Variants in CAMSAP1 observed in about 807,000 individuals in gnomAD.
CAMSAP1 encodes the protein calmodulin regulated spectrin associated protein 1.
In CAMSAP1, 58 loss-of-function variants were observed where a neutral mutation model predicts 143.5. The ratio of observed to expected loss-of-function variants is 0.40; its 90% confidence interval spans 0.33 to 0.50. The LOEUF is 0.50. Among genes scored for constraint, CAMSAP1 ranks in the 20% least tolerant of loss-of-function variants. The pLI is 0.45. For synonymous variants in CAMSAP1, 945 were observed against 859.3 expected (o/e 1.10, Z -1.74); for missense variants, 1,969 against 2,115.7 (o/e 0.93, Z 1.36).
Position 135,818,253 on chromosome 9 carries a change from C to A in CAMSAP1, c.4168+155G>T. 1 of 1,096,142 alleles carries A rather than the reference C, an allele frequency of 9.1e-7. No homozygotes were observed. Among genetic ancestry groups the A allele is most frequent in the Non-Finnish European group, 1.3e-6 (1 of 773,502 alleles). 67.9% of individuals were successfully genotyped at this position (1,096,142 alleles called of 1,614,324 possible). A position where few individuals can be genotyped will look rare whatever the true frequency, so the allele number is the denominator to read the frequency against. ...GGATGTGCCGCACATCTCAGAGCAT[C>A]TGGTCTCAACATTGTCATCCATGAA... On this transcript the variant is annotated intron_variant, in intron 13 of 16. Coordinates refer to ENST00000389532, the MANE Select transcript of CAMSAP1 (RefSeq NM_015447.4). The surrounding 1 kb of genome is among the most constrained non-coding windows in gnomAD (Gnocchi z 7.7).
intron 5 of CAMSAP1, among the ~76,000 whole-genome samples, chr9:135,854,301 A>C (rs1369581078): frequency 1.3e-5 from 2 of 152,224 alleles, no homozygotes; most frequent in African/African-American, 4.8e-5. Context: ...TGGCACACAA[A>C]TATTCTCAGT....
chr9:135,847,902 G>GGGGGAGGGGGCA (rs2130895348), intron 7 of CAMSAP1, among the ~76,000 whole-genome samples: 1 of 30,986 alleles, frequency 3.2e-5, no homozygotes, highest in African/African-American at 1.4e-4. Context: ...GAGGGGAGTG[G>GGGGGAGGGGGCA]GGGAAGGGGA....
At chr9:135,878,691 G>A (rs1209910029) in intron 3 of CAMSAP1, among the ~76,000 whole-genome samples, 2 of 152,194 alleles carry the variant, frequency 1.3e-5, no homozygotes, top group East Asian at 3.9e-4. Context: ...GGAACACAGC[G>A]CGGGTGAGAG....
intron 3 of CAMSAP1, among the ~76,000 whole-genome samples, chr9:135,877,888 AG>A: frequency 6.6e-6 from 1 of 152,210 alleles, no homozygotes; most frequent in Non-Finnish European, 1.5e-5. Flanking sequence ...AGCCCCTGCA[AG>A]GTGATTCATG....
intron 5 of CAMSAP1, among the ~76,000 whole-genome samples, chr9:135,854,659 G>A (rs1836890155): frequency 6.6e-6 from 1 of 152,044 alleles, no homozygotes; most frequent in African/African-American, 2.4e-5. Flanking sequence ...TCATTAGGTT[G>A]CCCAGGCTGG....
chr9:135,832,810 T>C (rs1204800815), intron 7 of CAMSAP1, among the ~76,000 whole-genome samples: 2 of 151,980 alleles, frequency 1.3e-5, no homozygotes, highest in Non-Finnish European at 2.9e-5. Context: ...GAACAAATAC[T>C]TAGGAATAAA....
In CAMSAP1 at chr9:135,890,829, A is replaced by T. The variant is rs1838268494; in HGVS notation, c.161-7751T>A. Among the ~76,000 whole-genome samples the T allele has an allele frequency of 2.0e-5, 3 of 152,244 alleles. No homozygotes were observed. In the South Asian group the frequency reaches 6.2e-4, roughly 31 times the overall value. Reference sequence around the variant, plus strand: ...AGCAAAATGACAAGACATCATGAGCAAAAGCCAGCAGAAACAGTAACAGAA... The same window carrying T: ...AGCAAAATGACAAGACATCATGAGCTAAAGCCAGCAGAAACAGTAACAGAA... On this transcript the variant is annotated intron_variant, in intron 1 of 16. Transcript: ENST00000389532.
In CAMSAP1 at chr9:135,898,767, CAAAT is replaced by C. The variant is rs986483906; in HGVS notation, c.160+8229_160+8232del. On this transcript the variant is annotated intron_variant, in intron 1 of 16. Transcript: ENST00000389532. ...ACTGGAATTCACATAAGCTGCTGGCCAAATAAATATGTCACTTTGGAAAACAACT... is the reference window on the plus strand; with the variant it reads ...ACTGGAATTCACATAAGCTGCTGGCCAAATATGTCACTTTGGAAAACAACT... 2.6e-5 allele frequency among the ~76,000 whole-genome samples: 4 copies of C among 152,106 alleles called. No homozygotes were observed. In the East Asian group the frequency reaches 5.8e-4, roughly 22 times the overall value.
At position 135,824,768 on chromosome 9, in the gene CAMSAP1, A is replaced by C. The variant is rs1361513000; in HGVS notation, c.1315+21T>G. ...ATAGTAAGGAGAAATTAAGGAAAAA[A>C]GGAGGAAACAACATTCTTACCAGGG... On this transcript the variant is annotated intron_variant, in intron 9 of 16. Coordinates refer to ENST00000389532, the MANE Select transcript of CAMSAP1 (RefSeq NM_015447.4). The surrounding 1 kb of genome is among the most constrained non-coding windows in gnomAD (Gnocchi z 4.1). 6.8e-7 allele frequency: 1 copy of C among 1,471,810 alleles called. No individual in the cohort carries two copies. The allele number at this position is 1,471,810 out of a possible 1,614,324, so 91.2% of individuals were successfully genotyped here.
At position 135,881,706 on chromosome 9, in the gene CAMSAP1, C is replaced by T. The variant is rs770689161; in HGVS notation, c.512G>A (p.Arg171His). The part of the protein sequence containing the change: ...SIEKVVASVK[R>H]FSTFSASKEL... ...TTTCGAGGCACTGAACGTTGAGAAG[C>T]GCTTGACACTGGCCACCACCTTCTC... The change falls in exon 3 of 17, where the codon CGC (arginine) becomes CAC (histidine). Residue 171 changes from arginine to histidine, a missense_variant. Arg to His is a conservative substitution (Grantham distance 29). Coordinates refer to ENST00000389532, the MANE Select transcript of CAMSAP1 (RefSeq NM_015447.4). 41 of 1,551,858 alleles carry T rather than the reference C, an allele frequency of 2.6e-5. No homozygotes were observed. Among genetic ancestry groups the T allele is most frequent in the Non-Finnish European group, 3.4e-5 (39 of 1,147,016 alleles).
In CAMSAP1 at chr9:135,820,847, A is replaced by AGAAGCCGACCCCCG; in HGVS notation, c.3800_3813dup (p.Phe1272ArgfsTer26). ...TGCTACCAATCCCTTACCTTGAAGA[A>AGAAGCCGACCCCCG]GAAGCCGACCCCCGGCTTCTGGTCG... On this transcript the variant is annotated frameshift_variant, in exon 11 of 17. Transcript: ENST00000389532. LOFTEE classifies it high-confidence loss of function. The surrounding 1 kb of genome is among the most constrained non-coding windows in gnomAD (Gnocchi z 4.4). 2.5e-6 allele frequency: 4 copies of AGAAGCCGACCCCCG among 1,612,866 alleles called. No individual in the cohort carries two copies. Among genetic ancestry groups the AGAAGCCGACCCCCG allele is most frequent in the Non-Finnish European group, 2.5e-6 (3 of 1,179,802 alleles).
intron 1 of CAMSAP1, among the ~76,000 whole-genome samples, chr9:135,896,538 A>T (rs1014175854): frequency 6.6e-6 from 1 of 152,150 alleles, no homozygotes; most frequent in African/African-American, 2.4e-5. Flanking sequence ...CTGATAGAAC[A>T]CTCCACCAAG....
At chr9:135,898,183 G>C (rs1256312387) in intron 1 of CAMSAP1, among the ~76,000 whole-genome samples, 2 of 152,196 alleles carry the variant, frequency 1.3e-5, no homozygotes, top group Admixed American at 6.5e-5. Context: ...AAGGGCAACA[G>C]TAGAGGTCCT....
intron 1 of CAMSAP1, among the ~76,000 whole-genome samples, chr9:135,894,857 T>C (rs1291668438): frequency 6.6e-6 from 1 of 152,228 alleles, no homozygotes; most frequent in Non-Finnish European, 1.5e-5. Context: ...TTAAAGCAAC[T>C]GGCATGAAAT....
chr9:135,866,153 G>A (rs1837371898), intron 4 of CAMSAP1, among the ~76,000 whole-genome samples: 1 of 152,176 alleles, frequency 6.6e-6, no homozygotes, highest in African/African-American at 2.4e-5. Context: ...TTGTTGACTT[G>A]TGGAAGCTAG....
At chr9:135,816,134 G>A in intron 14 of CAMSAP1, 129 bp from the exon 15 acceptor site, 3 of 751,276 alleles carry the variant, frequency 4.0e-6, no homozygotes, top group Admixed American at 2.4e-5. Flanking sequence ...CGGTGACGGT[G>A]GGGGCTCGAG....
chr9:135,905,206 A>T (rs552144333), intron 1 of CAMSAP1, among the ~76,000 whole-genome samples: 1 of 152,382 alleles, frequency 6.6e-6, no homozygotes, highest in South Asian at 2.1e-4. Flanking sequence ...AGGATTAAAG[A>T]GTGACCTGGT....
chr9:135,824,943 A>G lies in CAMSAP1; in HGVS notation c.1224-63T>C. The G allele has an allele frequency of 7.7e-7, 1 of 1,304,006 alleles. No homozygotes were observed. The highest frequency in any genetic ancestry group is 2.1e-5 in the Admixed American group (1 of 47,362). 80.8% of individuals were successfully genotyped at this position (1,304,006 alleles called of 1,614,324 possible). A position where few individuals can be genotyped will look rare whatever the true frequency, so the allele number is the denominator to read the frequency against. On this transcript the variant is annotated intron_variant, in intron 8 of 16. Coordinates refer to ENST00000389532, the MANE Select transcript of CAMSAP1 (RefSeq NM_015447.4). This position sits in a 1 kb window ranked among gnomAD's most constrained non-coding sequence, Gnocchi z 4.1. Reference sequence around the variant, plus strand: ...TATCAAACTTCAAGGTCAACAGCAAATGCACAAGTGTACAGGACCATCCTG... The same window carrying G: ...TATCAAACTTCAAGGTCAACAGCAAGTGCACAAGTGTACAGGACCATCCTG...
chr9:135,881,844 A>C (rs1837965649), intron 2 of CAMSAP1, 50 bp from the exon 3 acceptor site: 2 of 1,541,782 alleles, frequency 1.3e-6, no homozygotes, highest in Non-Finnish European at 1.8e-6. Context: ...CCCTCTTACC[A>C]GGTTCTGATG....
Sources: allele counts gnomAD v4.1 joint callset (sites outside exome capture counted in the v4.1 genomes callset), GRCh38; gene constraint gnomAD v4.1.1; non-coding constraint Gnocchi (gnomAD v3.1); transcripts MANE v1.5; gene names NCBI Gene and HGNC (gene_info 2026-07-23, HGNC 2026-07-21).